NHS: variants seen among roughly 807,000 people sequenced by gnomAD.
NHS encodes NHS actin remodeling regulator, also known as actin remodeling regulator NHS.
Under a neutral mutation model 72.5 loss-of-function variants are expected in NHS, and 5 were observed. That is an observed-to-expected ratio of 0.07 (90% CI 0.04 to 0.14). The LOEUF (loss-of-function observed/expected upper bound fraction) is 0.14, where lower values mean the gene tolerates loss of function less well. Among genes scored for constraint, NHS ranks in the 10% least tolerant of loss-of-function variants. NHS has a pLI of 1.00. For synonymous variants in NHS, 464 were observed against 547.7 expected, an observed-to-expected ratio of 0.85 and a Z score of 2.13; for missense variants, 1,072 against 1,355.7, an observed-to-expected ratio of 0.79 and a Z score of 3.29.
Position 17,721,432 on chromosome X carries a change from T to C in NHS, c.916-9T>C. The C allele has an allele frequency of 8.3e-7, 1 of 1,210,102 alleles. No homozygotes were observed. The highest frequency in any genetic ancestry group is 1.8e-5 in the South Asian group (1 of 56,940). On this transcript the variant is annotated splice_polypyrimidine_tract_variant and intron_variant, in intron 4 of 8. Coordinates refer to ENST00000676302, the MANE Select transcript of NHS (RefSeq NM_001291867.2). ...ATGATGGCTGAACCTGATTGTACTTTGTTTGCAGTCCCATCCCCCAGAGGA... is the reference window on the plus strand; with the variant it reads ...ATGATGGCTGAACCTGATTGTACTTCGTTTGCAGTCCCATCCCCCAGAGGA...
intron 1 of NHS, among the ~76,000 whole-genome samples, chrX:17,525,154 A>G (rs2065166487): frequency 8.9e-6 from 1 of 112,439 alleles, no homozygotes; most frequent in African/African-American, 3.2e-5. Context: ...ATAACTTTCA[A>G]ATAAGTTTTT....
At chrX:17,572,681 T>G (rs1214003440) in intron 1 of NHS, among the ~76,000 whole-genome samples, 1 of 110,249 alleles carries the variant, frequency 9.1e-6, no homozygotes, top group Non-Finnish European at 1.9e-5. Flanking sequence ...CGTTTACATT[T>G]AAGGTTAATA....
chrX:17,420,765 C>A (rs2064619170), intron 1 of NHS, among the ~76,000 whole-genome samples: 1 of 111,861 alleles, frequency 8.9e-6, no homozygotes, highest in African/African-American at 3.3e-5. Flanking sequence ...TTTTGAACTT[C>A]TTTATAGAAA....
chrX:17,681,220 G>C (rs1246412931), intron 1 of NHS, among the ~76,000 whole-genome samples: 1 of 112,091 alleles, frequency 8.9e-6, no homozygotes, highest in Non-Finnish European at 1.9e-5. Context: ...ACCTTGGAGA[G>C]CTCCAGACTT....
chrX:17,728,695 C>A lies in NHS; in HGVS notation c.4269C>A (p.Asp1423Glu), dbSNP rs2066467936. 2 of 1,210,383 alleles carry A rather than the reference C, an allele frequency of 1.7e-6. No individual in the cohort carries two copies. Among genetic ancestry groups the A allele is most frequent in the Non-Finnish European group, 2.2e-6 (2 of 894,590 alleles). Residue 1423 changes from aspartate (D) to glutamate (E), a missense_variant, in exon 8 of 9, where the codon GAC (aspartate) becomes GAA (glutamate). Transcript: ENST00000676302. ...CCATCATTTCACCACTTAGTGAAGA[C>A]TCCCAAGCTGAAGCAGAGGGTGTGT... ...DDSIISPLSE[D>E]SQAEAEGVFV...
intron 1 of NHS, among the ~76,000 whole-genome samples, chrX:17,656,047 G>A (rs1455069516): frequency 3.5e-5 from 4 of 113,344 alleles, no homozygotes; most frequent in Non-Finnish European, 7.5e-5. Context: ...GAAAGTCCCC[G>A]AGAGGCCTCT....
chrX:17,428,394 A>AT (rs1241052975), intron 1 of NHS, among the ~76,000 whole-genome samples: 1 of 112,264 alleles, frequency 8.9e-6, no homozygotes, highest in Non-Finnish European at 1.9e-5. Context: ...TGGCCTTCAA[A>AT]TTTTTTTGAA....
chrX:17,599,422 A>AT (rs776363539), intron 1 of NHS, among the ~76,000 whole-genome samples: 1,095 of 107,733 alleles, frequency 0.01, 9 homozygotes, highest in African/African-American at 0.034. Context: ...GGGTGGCAGA[A>AT]TTTTTTTTTT....
At chrX:17,406,827 A>G (rs1172303369) in intron 1 of NHS, among the ~76,000 whole-genome samples, 10 of 112,073 alleles carry the variant, frequency 8.9e-5, no homozygotes, top group Non-Finnish European at 1.5e-4. Flanking sequence ...ATTATAGTCT[A>G]GTTTCTGTAT....
intron 3 of NHS, among the ~76,000 whole-genome samples, chrX:17,718,827 G>A (rs1292529307): frequency 1.1e-5 from 1 of 91,651 alleles, no homozygotes; most frequent in Non-Finnish European, 2.2e-5. Context: ...AGGTAGGAAG[G>A]GAAAGAAGAA....
chrX:17,655,848 C>G (rs965833255), intron 1 of NHS, among the ~76,000 whole-genome samples: 2 of 113,016 alleles, frequency 1.8e-5, no homozygotes, highest in Non-Finnish European at 3.7e-5. Flanking sequence ...TGGAGCGCGC[C>G]GTGCGCAGAG....
At chrX:17,566,230 G>A (rs111454519) in intron 1 of NHS, among the ~76,000 whole-genome samples, 135 of 110,520 alleles carry the variant, frequency 1.2e-3, no homozygotes, top group African/African-American at 4.1e-3. Context: ...CGATCCTCCT[G>A]TCTCGGCCTC....
At chrX:17,600,490 T>G (rs2065644293) in intron 1 of NHS, among the ~76,000 whole-genome samples, 1 of 112,226 alleles carries the variant, frequency 8.9e-6, no homozygotes, top group African/African-American at 3.2e-5. Flanking sequence ...GACGACGCCG[T>G]CAATTTAGTG....
chrX:17,602,333 G>A (rs189165976), intron 1 of NHS, among the ~76,000 whole-genome samples: 31 of 112,168 alleles, frequency 2.8e-4, no homozygotes, highest in African/African-American at 8.7e-4. Flanking sequence ...CTTAGAACTG[G>A]TAAGGCAGGG....
chrX:17,427,531 G>A (rs375739209), intron 1 of NHS, among the ~76,000 whole-genome samples: 187 of 112,768 alleles, frequency 1.7e-3, no homozygotes, highest in African/African-American at 5.2e-3. Flanking sequence ...AGCTGACTGG[G>A]CTGTGTGTGT....
intron 1 of NHS, among the ~76,000 whole-genome samples, chrX:17,426,588 C>T (rs2064658772): frequency 8.9e-6 from 1 of 112,159 alleles, no homozygotes; most frequent in African/African-American, 3.2e-5. Flanking sequence ...TTCCTTGTAG[C>T]TTCGACATTC....
chrX:17,718,905 A>AGAGGAAAGGAAGGAAGAAAGG (rs2066386289), intron 3 of NHS, among the ~76,000 whole-genome samples: 3 of 92,392 alleles, frequency 3.2e-5, no homozygotes, highest in African/African-American at 8.1e-5. Flanking sequence ...GAAAGAAGGA[A>AGAGGAAAGGAAGGAAGAAAGG]GAGGAAAGGA....
chrX:17,634,033 T>G (rs1330775125), intron 1 of NHS, among the ~76,000 whole-genome samples: 1 of 111,823 alleles, frequency 8.9e-6, no homozygotes, highest in Non-Finnish European at 1.9e-5. Flanking sequence ...TTCCCTCCTT[T>G]TCTCCAGCCC....
chrX:17,580,644 G>C (rs758486922), intron 1 of NHS, among the ~76,000 whole-genome samples: 1 of 111,579 alleles, frequency 9.0e-6, no homozygotes, highest in Non-Finnish European at 1.9e-5. Context: ...AGAGTGTGGA[G>C]CTTGATGCTG....
Sources: allele counts gnomAD v4.1 joint callset (sites outside exome capture counted in the v4.1 genomes callset), GRCh38; gene constraint gnomAD v4.1.1; transcripts MANE v1.5; gene names NCBI Gene and HGNC (gene_info 2026-07-23, HGNC 2026-07-21).